The following WNK2 variants were observed in gnomAD, a reference collection of about 807,000 sequenced individuals.
The protein encoded by WNK2 is WNK lysine deficient protein kinase 2.
In WNK2, 67 loss-of-function variants were observed where a neutral mutation model predicts 192.1. That is an observed-to-expected ratio of 0.35 (90% CI 0.29 to 0.43). The LOEUF (loss-of-function observed/expected upper bound fraction) is 0.43, where lower values mean the gene tolerates loss of function less well. Ranked by LOEUF, WNK2 falls within the 20% of genes least tolerant of loss-of-function variation. WNK2 has a pLI of 1.00. For synonymous variants in WNK2, 1,439 were observed against 1,393.9 expected, an observed-to-expected ratio of 1.03 and a Z score of -0.72; for missense variants, 2,698 against 3,089.7, an observed-to-expected ratio of 0.87 and a Z score of 3.01.
At chr9:93,262,616 A>G (rs1235690177) in intron 13 of WNK2, 54 bp from the exon 14 acceptor site, 14 of 1,596,622 alleles carry the variant, frequency 8.8e-6, no homozygotes, top group Non-Finnish European at 1.2e-5. Context: ...CTGTGCCCAC[A>G]GGGAGGCGGG....
intron 2 of WNK2, among the ~76,000 whole-genome samples, chr9:93,208,733 C>CTCTGTGTGTTCATGTGTGTTT (rs1426214968): frequency 3.1e-4 from 2 of 6,466 alleles, no homozygotes; most frequent in Non-Finnish European, 5.4e-4. Context: ...CGTGCGTGTT[C>CTCTGTGTGTTCATGTGTGTTT]TGTGTGTGTT....
chr9:93,295,550 C>A (rs867677654), intron 23 of WNK2, among the ~76,000 whole-genome samples: 2 of 151,894 alleles, frequency 1.3e-5, no homozygotes, highest in African/African-American at 4.8e-5. Flanking sequence ...GTTTTTCTTG[C>A]CATCAAAGGA....
At chr9:93,317,808 C>G (rs1377394094) in intron 29 of WNK2, 177 bp downstream of exon 29, 1 of 1,491,810 alleles carries the variant, frequency 6.7e-7, no homozygotes, top group South Asian at 1.3e-5. Context: ...CTTGCAGCCA[C>G]CTGTGGTCAG....
Position 93,299,245 on chromosome 9 carries a change from C to T in WNK2, c.6099C>T (p.Gly2033=), listed in dbSNP as rs773593114. The change falls in exon 25 of 30, where the codon GGC becomes GGT. Residue 2033 remains glycine, a synonymous_variant. Transcript: ENST00000427277. Reference sequence around the variant, plus strand: ...GCTCCGGCTTAGCCAGTGATGGAGGCGGAGCGCGTGGCCAAGGTGATTTCC... The same window carrying T: ...GCTCCGGCTTAGCCAGTGATGGAGGTGGAGCGCGTGGCCAAGGTGATTTCC... ...DICSGLASDG[G]GARGQGWTVY... 10 of 1,572,506 alleles carry T rather than the reference C, an allele frequency of 6.4e-6. No individual in the cohort carries two copies. Among genetic ancestry groups the T allele is most frequent in the Admixed American group, 3.5e-5 (2 of 56,746 alleles).
intron 19 of WNK2, among the ~76,000 whole-genome samples, chr9:93,283,192 C>T (rs1399333869): frequency 6.6e-6 from 1 of 151,988 alleles, no homozygotes. Flanking sequence ...CCTTTAAATG[C>T]ATATATTGGA....
At chr9:93,242,511 G>A (rs894933661) in intron 7 of WNK2, among the ~76,000 whole-genome samples, 18 of 152,226 alleles carry the variant, frequency 1.2e-4, no homozygotes, top group African/African-American at 4.1e-4. Flanking sequence ...GTGACTTCAG[G>A]TGCACCATTT....
Position 93,239,823 on chromosome 9 carries a change from C to T in WNK2, c.1389C>T (p.Leu463=), listed in dbSNP as rs1445077396. 17 of 1,585,376 alleles carry T rather than the reference C, an allele frequency of 1.1e-5. No homozygotes were observed. The highest frequency in any genetic ancestry group is 2.7e-5 in the African/African-American group (2 of 74,278). Residue 463 remains leucine, a synonymous_variant, in exon 7 of 30, where the codon CTC becomes CTT. Coordinates refer to ENST00000427277, the MANE Select transcript of WNK2 (RefSeq NM_006648.4). The surrounding 1 kb of genome is among the most constrained non-coding windows in gnomAD (Gnocchi z 4.2). ...AGGACACAGGCGTGAGGGTGGAGCT[C>T]GCGGAGGAGGACCACGGCAGGAAGT... The part of the protein sequence containing the change: ...FAEDTGVRVE[L]AEEDHGRKST...
intron 12 of WNK2, among the ~76,000 whole-genome samples, chr9:93,260,801 C>T (rs902808771): frequency 6.6e-6 from 1 of 152,204 alleles, no homozygotes; most frequent in Admixed American, 6.5e-5. Flanking sequence ...CAGGTTTCAG[C>T]GGCAGCTCAG....
chr9:93,282,763 G>T (rs1217607494), intron 19 of WNK2, among the ~76,000 whole-genome samples: 1 of 152,200 alleles, frequency 6.6e-6, no homozygotes, highest in Non-Finnish European at 1.5e-5. Flanking sequence ...TGGAATAGGA[G>T]ACACTCAGTA....
At position 93,288,812 on chromosome 9, in the gene WNK2, T is replaced by A. The variant is rs767349005; in HGVS notation, c.4058T>A (p.Leu1353Gln). Residue 1353 changes from leucine to glutamine, a missense_variant, in exon 20 of 30, where the codon CTG (leucine) becomes CAG (glutamine). Leu to Gln is a moderately radical substitution (Grantham distance 113, BLOSUM62 -2). This residue lies in a region of WNK2 where 1,098 missense variants were observed against 1,101.0 expected (regional missense o/e 1.00). Coordinates refer to ENST00000427277, the MANE Select transcript of WNK2 (RefSeq NM_006648.4). Reference sequence around the variant, plus strand: ...GATTCAGCGCCCTATAAAGACCAGCTGTCCTCGAAGGAACAACCCAGCTTT... The same window carrying A: ...GATTCAGCGCCCTATAAAGACCAGCAGTCCTCGAAGGAACAACCCAGCTTT... ...SQDSAPYKDQ[L>Q]SSKEQPSFLA... is the part of the protein sequence containing the mutation. The A allele has an allele frequency of 6.2e-7, 1 of 1,612,002 alleles. No individual in the cohort carries two copies. Among genetic ancestry groups the A allele is most frequent in the Non-Finnish European group, 8.5e-7 (1 of 1,179,522 alleles).
At chr9:93,218,930 C>T (rs1836290361) in intron 2 of WNK2, among the ~76,000 whole-genome samples, 1 of 152,188 alleles carries the variant, frequency 6.6e-6, no homozygotes. Flanking sequence ...GACAGGTTGG[C>T]TCTCAGGACT....
In WNK2 at chr9:93,314,484, A is replaced by G. The variant is rs548163983; in HGVS notation, c.6517-3036A>G. ...CAGCTGGGCATGGTGGCACATACCT[A>G]TAGTTACAGCTACTAAAGAAGAAAT... On this transcript the variant is annotated intron_variant, in intron 28 of 29. Transcript: ENST00000427277. Among the ~76,000 whole-genome samples, 6 of 152,212 alleles carry G rather than the reference A, an allele frequency of 3.9e-5. No homozygotes were observed. The South Asian group carries it at 6.2e-4, about 16-fold the overall frequency.
In WNK2 at chr9:93,229,877, C is replaced by T. The variant is rs774094551; in HGVS notation, c.854+9C>T. On this transcript the variant is annotated intron_variant, in intron 3 of 29. Transcript: ENST00000427277. The surrounding 1 kb of genome is among the most constrained non-coding windows in gnomAD (Gnocchi z 4.9). Reference sequence around the variant, plus strand: ...TCAGGGACGCTGAAGACGTAAGCTCCGCTTCCTGAGGGCTGGGGCGGGTCC... The same window carrying T: ...TCAGGGACGCTGAAGACGTAAGCTCTGCTTCCTGAGGGCTGGGGCGGGTCC... The T allele has an allele frequency of 6.7e-5, 108 of 1,611,674 alleles. No individual in the cohort carries two copies. The South Asian group carries it at 6.8e-4, about 10-fold the overall frequency.
chr9:93,268,551 G>T, intron 18 of WNK2, 76 bp from the exon 19 acceptor site: 2 of 1,554,510 alleles, frequency 1.3e-6, no homozygotes, highest in South Asian at 2.4e-5. Context: ...GGCAAGTCTG[G>T]TGCAGGTGAT....
chr9:93,202,400 G>A (rs1374857869), intron 2 of WNK2, among the ~76,000 whole-genome samples: 1 of 151,722 alleles, frequency 6.6e-6, no homozygotes, highest in Non-Finnish European at 1.5e-5. Context: ...GCCAGGGAAT[G>A]GCCTGCCCCT....
chr9:93,236,922 C>T (rs1242371423), intron 5 of WNK2, among the ~76,000 whole-genome samples: 1 of 152,256 alleles, frequency 6.6e-6, no homozygotes, highest in Non-Finnish European at 1.5e-5. Flanking sequence ...ACTTGGGAGG[C>T]TCGGTGAAGC....
In WNK2 at chr9:93,211,258, T is replaced by C. The variant is rs56943250; in HGVS notation, c.682-18438T>C. 3.4e-3 allele frequency among the ~76,000 whole-genome samples: 14 copies of C among 4,068 alleles called. 4 individuals are homozygous for C. The highest frequency in any genetic ancestry group is 0.017 in the South Asian group (2 of 120). The allele number at this position is 4,068 out of a possible 152,430, so 2.7% of individuals were successfully genotyped here. Reference sequence around the variant, plus strand: ...CTCACTCATTCACTCACTCACTCATTCACTCATTCACTCACTCATCCACTC... The same window carrying C: ...CTCACTCATTCACTCACTCACTCATCCACTCATTCACTCACTCATCCACTC... On this transcript the variant is annotated intron_variant, in intron 2 of 29. Transcript: ENST00000427277.
chr9:93,301,452 G>C (rs939906366), intron 26 of WNK2, among the ~76,000 whole-genome samples: 7 of 152,158 alleles, frequency 4.6e-5, no homozygotes, highest in African/African-American at 1.7e-4. Flanking sequence ...GCCTTCCCAG[G>C]GCTTCCCGTT....
intron 2 of WNK2, among the ~76,000 whole-genome samples, chr9:93,211,115 CACTCATCCCCTCACTT>C (rs797015581): frequency 6.6e-6 from 1 of 151,868 alleles, no homozygotes; most frequent in African/African-American, 2.4e-5. Flanking sequence ...TCCACTCACT[CACTCATCCCCTCACTT>C]ACTCATCCAC....
Sources: gnomAD v4.1 joint callset for allele counts (sites outside exome capture counted in the v4.1 genomes callset) on GRCh38, gnomAD v4.1.1 for gene constraint, gnomAD v4.1.1 regional missense constraint, Gnocchi (gnomAD v3.1) non-coding constraint, MANE v1.5 for transcripts, NCBI Gene and HGNC (gene_info 2026-07-23, HGNC 2026-07-21) for gene names.